LRP1B: variants seen among roughly 807,000 people sequenced by gnomAD.
LRP1B encodes low-density lipoprotein receptor-related protein 1B.
LRP1B carries 217 observed loss-of-function variants against 556.6 expected under a neutral mutation model. The ratio of observed to expected loss-of-function variants is 0.39; its 90% CI spans 0.35 to 0.44. LRP1B has a LOEUF of 0.44. LRP1B is among the 20% of genes least tolerant of loss of function. LRP1B has a pLI of 1.00. For missense variants in LRP1B, 5,053 were observed against 5,620.8 expected (o/e 0.90, Z 3.23); for synonymous variants, 2,047 against 1,865.8 (o/e 1.10, Z -2.50).
chr2:142,057,988 A>C (rs1047615403), intron 1 of LRP1B, among the ~76,000 whole-genome samples: 9 of 152,152 alleles, frequency 5.9e-5, no homozygotes, highest in African/African-American at 2.2e-4. Flanking sequence ...GATTTAATGT[A>C]CATTTGCTGA....
chr2:141,390,581 T>C (rs1346508850), intron 3 of LRP1B, among the ~76,000 whole-genome samples: 1 of 152,250 alleles, frequency 6.6e-6, no homozygotes, highest in South Asian at 2.1e-4. Context: ...ATACATACAA[T>C]GTAATATTAT....
chr2:141,280,975 TATC>T (rs983821320), intron 3 of LRP1B, among the ~76,000 whole-genome samples: 1 of 151,994 alleles, frequency 6.6e-6, no homozygotes, highest in African/African-American at 2.4e-5. Context: ...TGCCTGATCT[TATC>T]ATAATATTAT....
At chr2:140,945,035 T>C (rs1371140612) in intron 20 of LRP1B, among the ~76,000 whole-genome samples, 1 of 152,152 alleles carries the variant, frequency 6.6e-6, no homozygotes, top group Non-Finnish European at 1.5e-5. Context: ...CTAGCCCAGA[T>C]AAGTGACTTC....
chr2:140,543,574 A>G (rs1680215670), intron 43 of LRP1B, among the ~76,000 whole-genome samples: 1 of 151,986 alleles, frequency 6.6e-6, no homozygotes, highest in Admixed American at 6.6e-5. Flanking sequence ...ACAAAAACTC[A>G]AAAAATATGA....
intron 1 of LRP1B, among the ~76,000 whole-genome samples, chr2:141,850,469 T>C (rs1419507601): frequency 1.3e-5 from 2 of 151,740 alleles, no homozygotes; most frequent in East Asian, 1.9e-4. Context: ...AGTTTTTAAC[T>C]AAAAATGGTC....
intron 2 of LRP1B, among the ~76,000 whole-genome samples, chr2:141,792,719 C>A (rs1695657679): frequency 6.6e-6 from 1 of 151,978 alleles, no homozygotes; most frequent in African/African-American, 2.4e-5. Flanking sequence ...CTATGACACA[C>A]AAATCAGAAC....
chr2:141,550,901 A>G (rs1431255680), intron 2 of LRP1B, among the ~76,000 whole-genome samples: 1 of 152,100 alleles, frequency 6.6e-6, no homozygotes, highest in Non-Finnish European at 1.5e-5. Flanking sequence ...TTATTAATTT[A>G]TCTTCTTGGA....
chr2:141,297,109 T>A (rs560745768), intron 3 of LRP1B, among the ~76,000 whole-genome samples: 3 of 152,312 alleles, frequency 2.0e-5, no homozygotes, highest in Non-Finnish European at 4.4e-5. Context: ...TCCACTGTTG[T>A]TGGGCACCTA....
chr2:141,027,476 A>T (rs1277026697), intron 11 of LRP1B, among the ~76,000 whole-genome samples: 2 of 152,140 alleles, frequency 1.3e-5, no homozygotes, highest in African/African-American at 2.4e-5. Flanking sequence ...ACAAATGTCC[A>T]TATGAAGGGA....
At chr2:140,536,501 A>T (rs1690979557) in intron 46 of LRP1B, 80 bp downstream of exon 46, 2 of 1,364,256 alleles carry the variant, frequency 1.5e-6, no homozygotes, top group Admixed American at 2.2e-5. Flanking sequence ...CACGTAAACC[A>T]CACCGAGACA....
At chr2:141,651,591 G>T (rs977732766) in intron 2 of LRP1B, among the ~76,000 whole-genome samples, 1 of 152,160 alleles carries the variant, frequency 6.6e-6, no homozygotes, top group Non-Finnish European at 1.5e-5. Context: ...CTTGAGCCCG[G>T]GAGGTGGAGG....
chr2:141,646,095 G>A (rs1368330168), intron 2 of LRP1B, among the ~76,000 whole-genome samples: 1 of 152,060 alleles, frequency 6.6e-6, no homozygotes, highest in Non-Finnish European at 1.5e-5. Flanking sequence ...CCTAAATATT[G>A]TCAACTAAGA....
chr2:140,495,140 A>G (rs911857569), intron 56 of LRP1B, among the ~76,000 whole-genome samples: 1 of 152,088 alleles, frequency 6.6e-6, no homozygotes, highest in African/African-American at 2.4e-5. Flanking sequence ...TATTATTACT[A>G]TTGTTGCTTC....
rs369779069 is a variant in LRP1B at position 140,860,253 on chromosome 2, G to A, written c.4579+7337C>T. ...GTCTTATAAAACAGGGATGTGAAAT[G>A]GAGACTGAGTTAGAGTATAACTGGT... On this transcript the variant is annotated intron_variant, in intron 27 of 90. Coordinates refer to ENST00000389484, the MANE Select transcript of LRP1B (RefSeq NM_018557.3). Among the ~76,000 whole-genome samples the A allele has an allele frequency of 7.2e-5, 11 of 152,222 alleles. No homozygotes were observed. In the South Asian group the frequency reaches 2.3e-3, roughly 32 times the overall value.
At chr2:141,585,583 C>T (rs1687109716) in intron 2 of LRP1B, among the ~76,000 whole-genome samples, 1 of 151,896 alleles carries the variant, frequency 6.6e-6, no homozygotes, top group African/African-American at 2.4e-5. Flanking sequence ...TACGAGTTTA[C>T]CTTCTAAATA....
At chr2:141,929,563 T>C (rs940662775) in intron 1 of LRP1B, among the ~76,000 whole-genome samples, 2 of 152,148 alleles carry the variant, frequency 1.3e-5, no homozygotes, top group African/African-American at 4.8e-5. Flanking sequence ...GTTTACTCTT[T>C]CATGGGAAAA....
intron 1 of LRP1B, among the ~76,000 whole-genome samples, chr2:142,032,474 C>A (rs888580822): frequency 6.6e-6 from 1 of 151,796 alleles, no homozygotes; most frequent in Non-Finnish European, 1.5e-5. Context: ...ATACTTGCTG[C>A]TTCCTCTTTC....
At chr2:142,065,692 T>A (rs1705084605) in intron 1 of LRP1B, among the ~76,000 whole-genome samples, 1 of 151,442 alleles carries the variant, frequency 6.6e-6, no homozygotes, top group African/African-American at 2.4e-5. Flanking sequence ...TTCTGCCTAC[T>A]ACATGTTACT....
intron 41 of LRP1B, among the ~76,000 whole-genome samples, chr2:140,664,335 G>A (rs553439698): frequency 2.0e-5 from 3 of 151,970 alleles, no homozygotes; most frequent in Non-Finnish European, 4.4e-5. Flanking sequence ...GAGTAATAAC[G>A]CAAAATGCAA....
Sources: gnomAD v4.1 joint callset for allele counts (sites outside exome capture counted in the v4.1 genomes callset) on GRCh38, gnomAD v4.1.1 for gene constraint, MANE v1.5 for transcripts, NCBI Gene and HGNC (gene_info 2026-07-23, HGNC 2026-07-21) for gene names.